Variants in EXOC4 observed in about 807,000 individuals in gnomAD.
EXOC4 encodes exocyst complex component 4.
A neutral mutation model predicts 107.2 loss-of-function variants in EXOC4; 71 were observed. That is an observed-to-expected ratio of 0.66 (90% confidence interval 0.55 to 0.81). The LOEUF is 0.81. Among genes scored for constraint, EXOC4 ranks in the 30% least tolerant of loss-of-function variants. EXOC4 has a pLI of 0.00. For missense variants in EXOC4, 1,108 were observed against 1,189.6 expected, an observed-to-expected ratio of 0.93 and a Z score of 1.01; for synonymous variants, 456 against 441.2, an observed-to-expected ratio of 1.03 and a Z score of -0.42.
chr7:133,300,053 T>C (rs1794609106), intron 3 of EXOC4, among the ~76,000 whole-genome samples: 1 of 152,198 alleles, frequency 6.6e-6, no homozygotes, highest in African/African-American at 2.4e-5. Flanking sequence ...CTTTTTTTAA[T>C]GGTGAGAGTA....
At chr7:134,068,117 T>C (rs1796211383), downstream of EXOC4, among the ~76,000 whole-genome samples, 1 of 152,182 alleles carries the variant, frequency 6.6e-6, no homozygotes, top group Non-Finnish European at 1.5e-5. Flanking sequence ...GCCCATACTC[T>C]TGAAACCCAT....
the EXOC4 span, among the ~76,000 whole-genome samples, chr7:134,073,509 C>T: frequency 6.6e-6 from 1 of 152,034 alleles, no homozygotes. Flanking sequence ...CTCCACTACC[C>T]TTTAGGGACC....
At chr7:133,961,100 T>C (rs752102427) in intron 14 of EXOC4, among the ~76,000 whole-genome samples, 3 of 151,642 alleles carry the variant, frequency 2.0e-5, no homozygotes, top group Non-Finnish European at 4.4e-5. Context: ...CTCTTAAAAG[T>C]GGAATAGGGA....
intron 10 of EXOC4, among the ~76,000 whole-genome samples, chr7:133,779,632 T>C (rs560693332): frequency 6.6e-6 from 1 of 152,208 alleles, no homozygotes; most frequent in Non-Finnish European, 1.5e-5. Flanking sequence ...TCTGTAAAAA[T>C]GCTCCAATCG....
chr7:133,656,278 A>G (rs2151040609), intron 10 of EXOC4, among the ~76,000 whole-genome samples: 1 of 152,290 alleles, frequency 6.6e-6, no homozygotes, highest in East Asian at 1.9e-4. Flanking sequence ...TAAAACACAT[A>G]GAATATACTG....
At chr7:133,425,613 A>G (rs1201246198) in intron 7 of EXOC4, among the ~76,000 whole-genome samples, 1 of 152,104 alleles carries the variant, frequency 6.6e-6, no homozygotes, top group African/African-American at 2.4e-5. Context: ...TTTAATCTGA[A>G]AGACTGGCTC....
At chr7:133,294,405 C>T (rs1794473189) in intron 3 of EXOC4, among the ~76,000 whole-genome samples, 1 of 152,090 alleles carries the variant, frequency 6.6e-6, no homozygotes, top group Non-Finnish European at 1.5e-5. Flanking sequence ...TCAGTGGAAA[C>T]CAAGCCAGTG....
chr7:133,980,400 C>T (rs959779653), intron 14 of EXOC4, among the ~76,000 whole-genome samples: 1 of 152,208 alleles, frequency 6.6e-6, no homozygotes, highest in African/African-American at 2.4e-5. Flanking sequence ...GTTCTAAATG[C>T]TTCATGTGTT....
chr7:134,024,942 A>G (rs1278539148), intron 17 of EXOC4, among the ~76,000 whole-genome samples: 1 of 152,190 alleles, frequency 6.6e-6, no homozygotes, highest in Non-Finnish European at 1.5e-5. Context: ...GTTTAGCAGC[A>G]GCTGTGGTGG....
At chr7:133,499,465 AATTAT>A (rs1371139377) in intron 9 of EXOC4, among the ~76,000 whole-genome samples, 2 of 152,190 alleles carry the variant, frequency 1.3e-5, no homozygotes, top group African/African-American at 4.8e-5. Flanking sequence ...TCATAGATTA[AATTAT>A]ATTAAGAAGG....
intron 10 of EXOC4, among the ~76,000 whole-genome samples, chr7:133,781,922 T>G (rs2345951): frequency 6.6e-6 from 1 of 152,200 alleles, no homozygotes; most frequent in East Asian, 1.9e-4. Context: ...CACAAAAAAG[T>G]TTTTATTGTG....
At chr7:133,387,892 GA>G (rs1438363807) in intron 7 of EXOC4, among the ~76,000 whole-genome samples, 1 of 151,936 alleles carries the variant, frequency 6.6e-6, no homozygotes, top group Non-Finnish European at 1.5e-5. Context: ...GGCAAAGGGG[GA>G]CTTGGCATGT....
At chr7:133,886,267 C>G (rs1390065920) in intron 11 of EXOC4, among the ~76,000 whole-genome samples, 1 of 152,160 alleles carries the variant, frequency 6.6e-6, no homozygotes, top group East Asian at 1.9e-4. Flanking sequence ...CTTCGGTTTT[C>G]TTTGATTCAG....
the EXOC4 span, among the ~76,000 whole-genome samples, chr7:134,082,939 A>C: frequency 3.3e-5 from 5 of 152,214 alleles, no homozygotes; most frequent in Non-Finnish European, 7.3e-5. Context: ...ATGACATTAC[A>C]TATAAAATCA....
At chr7:133,677,124 GA>G (rs1794080389) in intron 10 of EXOC4, among the ~76,000 whole-genome samples, 1 of 152,000 alleles carries the variant, frequency 6.6e-6, no homozygotes, top group South Asian at 2.1e-4. Context: ...ATATACATGA[GA>G]AAAAACTTAG....
chr7:133,544,021 T>C (rs1350482851), intron 9 of EXOC4, among the ~76,000 whole-genome samples: 1 of 152,176 alleles, frequency 6.6e-6, no homozygotes, highest in Non-Finnish European at 1.5e-5. Context: ...CAAAGTTAAA[T>C]GGCCAAGGCT....
intron 7 of EXOC4, among the ~76,000 whole-genome samples, chr7:133,405,379 G>T (rs562252097): frequency 6.6e-6 from 1 of 152,206 alleles, no homozygotes; most frequent in South Asian, 2.1e-4. Flanking sequence ...TGTAGAAATT[G>T]TAAAACGTTA....
At chr7:133,771,799 G>A (rs186081016) in intron 10 of EXOC4, among the ~76,000 whole-genome samples, 1 of 152,058 alleles carries the variant, frequency 6.6e-6, no homozygotes, top group East Asian at 1.9e-4. Flanking sequence ...GAGTTCCAAA[G>A]TAGTTAGGGG....
chr7:134,088,710 T>G, the EXOC4 span, among the ~76,000 whole-genome samples: 1 of 152,172 alleles, frequency 6.6e-6, no homozygotes, highest in Non-Finnish European at 1.5e-5. Context: ...AACCACCTTT[T>G]GAAGAGGATT....
Sources: allele counts gnomAD v4.1 joint callset (sites outside exome capture counted in the v4.1 genomes callset), GRCh38; gene constraint gnomAD v4.1.1; transcripts MANE v1.5; gene names NCBI Gene and HGNC (gene_info 2026-07-23, HGNC 2026-07-21).